The following NRG1 variants were observed in gnomAD, a reference collection of about 807,000 sequenced individuals.
NRG1 encodes neuregulin 1.
A neutral mutation model predicts 63.8 loss-of-function variants in NRG1; 18 were observed. The ratio of observed to expected loss-of-function variants is 0.28; its 90% confidence interval spans 0.19 to 0.42. The LOEUF (loss-of-function observed/expected upper bound fraction) is 0.42. Among genes scored for constraint, NRG1 ranks in the 10% least tolerant of loss-of-function variants. NRG1 has a pLI of 1.00. For synonymous variants in NRG1, 302 were observed against 301.3 expected (o/e 1.00, Z -0.02); for missense variants, 762 against 814.7 (o/e 0.94, Z 0.79).
chr8:32,009,668 C>G (rs1204817463), intron 1 of NRG1, among the ~76,000 whole-genome samples: 1 of 151,878 alleles, frequency 6.6e-6, no homozygotes, highest in African/African-American at 2.4e-5. Context: ...GAGCTTTACT[C>G]TTTGAATCAG....
At chr8:32,132,778 A>G (rs1445620716) in intron 1 of NRG1, among the ~76,000 whole-genome samples, 1 of 152,136 alleles carries the variant, frequency 6.6e-6, no homozygotes, top group East Asian at 1.9e-4. Flanking sequence ...GCACTTTCAA[A>G]TAGAGAATTC....
chr8:32,628,824 C>T (rs917504610), intron 5 of NRG1, among the ~76,000 whole-genome samples: 5 of 151,326 alleles, frequency 3.3e-5, no homozygotes, highest in Admixed American at 6.6e-5. Context: ...CCTCTGCCTA[C>T]CCGGTTCAAG....
intron 1 of NRG1, among the ~76,000 whole-genome samples, chr8:32,465,612 G>T (rs1822957461): frequency 6.6e-6 from 1 of 152,096 alleles, no homozygotes; most frequent in African/African-American, 2.4e-5. Flanking sequence ...GAGCTTTCTG[G>T]CAATATGTAT....
intron 5 of NRG1, among the ~76,000 whole-genome samples, chr8:32,618,803 G>A (rs535615327): frequency 1.3e-5 from 2 of 152,300 alleles, no homozygotes; most frequent in South Asian, 2.1e-4. Context: ...GAGGAGGGGA[G>A]GGGATAAGGA....
chr8:32,051,055 C>T (rs1259915686), intron 1 of NRG1, among the ~76,000 whole-genome samples: 1 of 151,948 alleles, frequency 6.6e-6, no homozygotes, highest in African/African-American at 2.4e-5. Context: ...GGAATCCTTC[C>T]ATGTTCTCCC....
chr8:31,680,908 G>T (rs1808273388), intron 1 of NRG1, among the ~76,000 whole-genome samples: 1 of 152,106 alleles, frequency 6.6e-6, no homozygotes, highest in South Asian at 2.1e-4. Context: ...AGGGAGTTTT[G>T]CCCTCCCAGA....
chr8:31,686,843 A>G (rs1808944790), intron 1 of NRG1, among the ~76,000 whole-genome samples: 1 of 152,004 alleles, frequency 6.6e-6, no homozygotes, highest in Admixed American at 6.6e-5. Flanking sequence ...ATTTCTGCTC[A>G]CTGCAACCTC....
At position 31,923,249 on chromosome 8, in the gene NRG1, A is replaced by C. The variant is rs563171986; in HGVS notation, c.37+283818A>C. On this transcript the variant is annotated intron_variant, in intron 1 of 10. Transcript: ENST00000519301. ...GTAATTGTGTCAGATTTTTTTCTGC[A>C]CCTATTAAAATAATTGTATAGGTTT... Among the ~76,000 whole-genome samples the C allele has an allele frequency of 3.1e-4, 47 of 152,184 alleles. 2 individuals carry two copies. In the East Asian group the frequency reaches 4.4e-3, roughly 14 times the overall value.
chr8:32,020,822 A>C (rs1203416316), intron 1 of NRG1, among the ~76,000 whole-genome samples: 1 of 152,180 alleles, frequency 6.6e-6, no homozygotes, highest in Non-Finnish European at 1.5e-5. Context: ...AACTGTTATA[A>C]TGCTTTAGTT....
At chr8:32,747,717 CAT>C (rs1827717446) in intron 7 of NRG1, among the ~76,000 whole-genome samples, 1 of 124,988 alleles carries the variant, frequency 8.0e-6, no homozygotes, top group Non-Finnish European at 1.6e-5. Flanking sequence ...TGTTTGTGTG[CAT>C]ATATGTGTGT....
chr8:31,912,200 T>C (rs763833101), intron 1 of NRG1, among the ~76,000 whole-genome samples: 6 of 152,366 alleles, frequency 3.9e-5, no homozygotes, highest in Non-Finnish European at 8.8e-5. Context: ...TTCCGCTAAC[T>C]ATAAAACATT....
chr8:32,516,254 C>T (rs1423848544), intron 1 of NRG1, among the ~76,000 whole-genome samples: 1 of 152,048 alleles, frequency 6.6e-6, no homozygotes, highest in African/African-American at 2.4e-5. Context: ...TATTCTGTTC[C>T]ATTGGTCTAT....
intron 5 of NRG1, among the ~76,000 whole-genome samples, chr8:32,623,166 A>G (rs1462659880): frequency 6.6e-6 from 1 of 152,232 alleles, no homozygotes; most frequent in Non-Finnish European, 1.5e-5. Context: ...TTCTGTCATA[A>G]TGAGATAGAA....
chr8:31,789,087 G>A (rs58702115), intron 1 of NRG1, among the ~76,000 whole-genome samples: 2,404 of 152,160 alleles, frequency 0.016, 67 homozygotes, highest in African/African-American at 0.055. Flanking sequence ...TCTAATACTC[G>A]CATTTCCACC....
chr8:32,089,427 T>C (rs1290947115), intron 1 of NRG1, among the ~76,000 whole-genome samples: 1 of 152,228 alleles, frequency 6.6e-6, no homozygotes, highest in African/African-American at 2.4e-5. Flanking sequence ...AATATTTTGT[T>C]CCCTTCTGTG....
At chr8:32,395,844 A>G (rs1317849697) in intron 1 of NRG1, among the ~76,000 whole-genome samples, 2 of 152,048 alleles carry the variant, frequency 1.3e-5, no homozygotes, top group Non-Finnish European at 2.9e-5. Flanking sequence ...ATTTTTTTCT[A>G]GGCATGTTAT....
At chr8:32,040,996 G>A (rs965619927) in intron 1 of NRG1, among the ~76,000 whole-genome samples, 2 of 151,232 alleles carry the variant, frequency 1.3e-5, no homozygotes, top group African/African-American at 4.9e-5. Context: ...TATTATTTTG[G>A]TATCTACATA....
exon 11 of NRG1, chr8:32,760,398 T>G: frequency 6.2e-7 from 1 of 1,613,426 alleles, no homozygotes; most frequent in East Asian, 2.2e-5. Context: ...ACTCTCCTCA[T>G]AGTGAAAGGT....
At chr8:31,644,478 T>C (rs1395101565) in intron 1 of NRG1, among the ~76,000 whole-genome samples, 1 of 152,160 alleles carries the variant, frequency 6.6e-6, no homozygotes, top group African/African-American at 2.4e-5. Flanking sequence ...CTTGTTGTTG[T>C]GGGGTATCTA....
Sources: allele counts gnomAD v4.1 joint callset (sites outside exome capture counted in the v4.1 genomes callset), GRCh38; gene constraint gnomAD v4.1.1; transcripts MANE v1.5; gene names NCBI Gene and HGNC (gene_info 2026-07-23, HGNC 2026-07-21).